ZNF680: variants seen among roughly 807,000 people sequenced by gnomAD.
The protein encoded by ZNF680 is hypothetical protein FLJ90430.
In ZNF680, 6 loss-of-function variants were observed where a neutral mutation model predicts 12.1. The ratio of observed to expected loss-of-function variants is 0.49; its 90% CI spans 0.27 to 0.98. The LOEUF is 0.98. Among genes scored for constraint, ZNF680 ranks in the 50% least tolerant of loss-of-function variants. The pLI, the probability that ZNF680 is intolerant of heterozygous loss-of-function variation, is 0.12. For synonymous variants in ZNF680, 170 were observed against 199.3 expected (o/e 0.85, Z 1.24); for missense variants, 561 against 616.3 (o/e 0.91, Z 0.95).
chr7:64,506,793 T>C, the ZNF680 span, among the ~76,000 whole-genome samples: 3 of 152,206 alleles, frequency 2.0e-5, no homozygotes, highest in African/African-American at 4.8e-5. Context: ...TGTGGTTTAA[T>C]ATTGGCTCTG....
intron 1 of ZNF680, among the ~76,000 whole-genome samples, chr7:64,545,947 T>A (rs978929811): frequency 6.6e-6 from 1 of 152,222 alleles, no homozygotes; most frequent in Non-Finnish European, 1.5e-5. Context: ...ATTTTTAATA[T>A]TGCAGATTCT....
chr7:64,531,596 C>CAAA (rs34791051), intron 3 of ZNF680, among the ~76,000 whole-genome samples: 5,164 of 95,094 alleles, frequency 0.054, 219 homozygotes, highest in Non-Finnish European at 0.073. Context: ...GACTCCGTCT[C>CAAA]AAAAAAAAAA....
At chr7:64,503,238 A>G in the ZNF680 span, among the ~76,000 whole-genome samples, 1 of 150,144 alleles carries the variant, frequency 6.7e-6, no homozygotes, top group Non-Finnish European at 1.5e-5. Flanking sequence ...GCCATGACTT[A>G]GTCTCTAATG....
At chr7:64,510,116 A>G in the ZNF680 span, among the ~76,000 whole-genome samples, 2 of 151,994 alleles carry the variant, frequency 1.3e-5, no homozygotes, top group Admixed American at 6.5e-5. Context: ...AACAACAATA[A>G]CAAAAAAGCC....
intron 3 of ZNF680, among the ~76,000 whole-genome samples, chr7:64,532,084 T>C (rs1392666144): frequency 1.3e-5 from 2 of 152,088 alleles, no homozygotes; most frequent in African/African-American, 4.8e-5. Context: ...GGGGGGCAGA[T>C]TACAAGGTCA....
chr7:64,510,084 T>C, the ZNF680 span, among the ~76,000 whole-genome samples: 3 of 145,300 alleles, frequency 2.1e-5, no homozygotes, highest in African/African-American at 5.1e-5. Context: ...ATCTTACAAA[T>C]TGGAGACCTA....
In ZNF680 at chr7:64,522,365, T is replaced by C. The variant is rs1449878774; in HGVS notation, c.389A>G (p.Asp130Gly). ...LQLRISCKSV[D>G]ESKVFKEGYN... The stretch of plus-strand genomic sequence containing the variant: ...ACCTTCTTTGAACACCTTAGACTCA[T>C]CCACACTTTTACAACTTATTCTTAA... Residue 130 changes from aspartate (D) to glycine (G), a missense_variant, in exon 4 of 4, where the codon GAT (aspartate) becomes GGT (glycine). Coordinates refer to ENST00000309683, the MANE Select transcript of ZNF680 (RefSeq NM_178558.5). 1 of 1,612,646 alleles carries C rather than the reference T, an allele frequency of 6.2e-7. No homozygotes were observed. The highest frequency in any genetic ancestry group is 8.5e-7 in the Non-Finnish European group (1 of 1,179,340).
At chr7:64,543,348 C>T (rs531856769) in intron 3 of ZNF680, among the ~76,000 whole-genome samples, 6 of 152,182 alleles carry the variant, frequency 3.9e-5, no homozygotes, top group South Asian at 4.1e-4. Flanking sequence ...ACATTTCAGA[C>T]GTGATGTAGA....
chr7:64,557,313 T>C (rs1057066923), intron 1 of ZNF680, among the ~76,000 whole-genome samples: 11 of 150,966 alleles, frequency 7.3e-5, no homozygotes, highest in Non-Finnish European at 1.5e-4. Flanking sequence ...TCTCAGCACT[T>C]TGGGAGGCTG....
At chr7:64,562,875 G>A (rs1377412276) in intron 1 of ZNF680, 50 bp downstream of exon 1, 1 of 1,610,494 alleles carries the variant, frequency 6.2e-7, no homozygotes, top group African/African-American at 1.3e-5. Context: ...CTTCCGACCG[G>A]TTCCAACCAG....
chr7:64,537,698 C>T (rs1380202614), intron 3 of ZNF680, among the ~76,000 whole-genome samples: 4 of 152,166 alleles, frequency 2.6e-5, no homozygotes, highest in East Asian at 1.9e-4. Flanking sequence ...GAGGCCAAGG[C>T]GGGCAGATCA....
At chr7:64,536,908 A>C (rs1157455078) in intron 3 of ZNF680, among the ~76,000 whole-genome samples, 2 of 152,010 alleles carry the variant, frequency 1.3e-5, no homozygotes, top group African/African-American at 4.8e-5. Flanking sequence ...GTCCCTACAA[A>C]TAATCAAAAA....
In ZNF680 at chr7:64,521,404, A is replaced by T. The variant is rs773413633; in HGVS notation, c.1350T>A (p.Thr450=). Residue 450 remains threonine (T), a synonymous_variant, in exon 4 of 4, where the codon ACT becomes ACA. Transcript: ENST00000309683. ...CTCCAGTATGAATTACTTTATGGTT[A>T]GTAAGGGTTGAAAATAAAGTAAAGC... ...GKGFTLFSTL[T]NHKVIHTGEK... 1 of 1,613,696 alleles carries T rather than the reference A, an allele frequency of 6.2e-7. No homozygotes were observed. Among genetic ancestry groups the T allele is most frequent in the South Asian group, 1.1e-5 (1 of 91,066 alleles).
At chr7:64,526,464 T>A in intron 3 of ZNF680, 1 of 1,358,830 alleles carries the variant, frequency 7.4e-7, no homozygotes, top group Non-Finnish European at 1.0e-6. Flanking sequence ...GCCAAGGCAG[T>A]AAGATAACTT....
At chr7:64,513,499 T>C in the ZNF680 span, among the ~76,000 whole-genome samples, 58 of 152,212 alleles carry the variant, frequency 3.8e-4, no homozygotes, top group African/African-American at 1.3e-3. Context: ...TTAGCAAAAT[T>C]TGTAAAGGGT....
intron 3 of ZNF680, among the ~76,000 whole-genome samples, chr7:64,535,004 G>C (rs563220018): frequency 6.6e-6 from 1 of 151,130 alleles, no homozygotes; most frequent in East Asian, 2.0e-4. Context: ...GGGGACTTGG[G>C]GGGGCTTGGG....
the ZNF680 span, among the ~76,000 whole-genome samples, chr7:64,502,485 T>A: frequency 6.6e-6 from 1 of 152,098 alleles, no homozygotes; most frequent in South Asian, 2.1e-4. Context: ...CCCACATAGG[T>A]GTGATTTGTG....
chr7:64,559,189 T>A, intron 1 of ZNF680, among the ~76,000 whole-genome samples: 1 of 152,234 alleles, frequency 6.6e-6, no homozygotes, highest in East Asian at 1.9e-4. Flanking sequence ...AATCTTTGCA[T>A]GACCCAGTTC....
At chr7:64,501,180 C>A in the ZNF680 span, 1 of 867,502 alleles carries the variant, frequency 1.2e-6, no homozygotes, top group Non-Finnish European at 2.0e-6. Flanking sequence ...TATTCAGCTC[C>A]TCTCTTGACT....
Sources: gnomAD v4.1 joint callset for allele counts (sites outside exome capture counted in the v4.1 genomes callset) on GRCh38, gnomAD v4.1.1 for gene constraint, MANE v1.5 for transcripts, NCBI Gene and HGNC (gene_info 2026-07-23, HGNC 2026-07-21) for gene names.